Variants in HHAT observed in about 807,000 individuals in gnomAD.
HHAT encodes the protein protein-cysteine N-palmitoyltransferase HHAT.
Under a neutral mutation model 70.8 loss-of-function variants are expected in HHAT, and 47 were observed. The observed-to-expected ratio is 0.66, with a 90% CI of 0.53 to 0.85. The LOEUF (loss-of-function observed/expected upper bound fraction) is 0.85, where lower values mean the gene tolerates loss of function less well. Among genes scored for constraint, HHAT ranks in the 40% least tolerant of loss-of-function variants. HHAT has a pLI of 0.00. For missense variants in HHAT, 609 were observed against 604.8 expected, an observed-to-expected ratio of 1.01 and a Z score of -0.07; for synonymous variants, 228 against 247.6, an observed-to-expected ratio of 0.92 and a Z score of 0.74.
chr1:210,499,427 AG>A (rs1266846249), intron 8 of HHAT, among the ~76,000 whole-genome samples: 1 of 152,236 alleles, frequency 6.6e-6, no homozygotes, highest in Non-Finnish European at 1.5e-5. Flanking sequence ...ACTTGAGGCC[AG>A]GAATTCAAGA....
intron 8 of HHAT, among the ~76,000 whole-genome samples, chr1:210,503,320 T>C (rs1242959126): frequency 6.6e-6 from 1 of 152,162 alleles, no homozygotes; most frequent in Non-Finnish European, 1.5e-5. Flanking sequence ...GGGGTGAGGT[T>C]TAATTGTCCT....
At chr1:210,561,768 C>T (rs191932742) in intron 9 of HHAT, among the ~76,000 whole-genome samples, 2 of 152,286 alleles carry the variant, frequency 1.3e-5, no homozygotes, top group East Asian at 3.9e-4. Flanking sequence ...CCTCCACGTA[C>T]TTATCATTTT....
chr1:210,395,429 C>T (rs1050926163), intron 4 of HHAT, among the ~76,000 whole-genome samples: 3 of 90,256 alleles, frequency 3.3e-5, no homozygotes, highest in African/African-American at 1.7e-4. Context: ...TTCTTAAGGG[C>T]ACTGACACCA....
upstream of HHAT, among the ~76,000 whole-genome samples, chr1:210,328,589 A>G (rs891667975): frequency 6.6e-6 from 1 of 152,174 alleles, no homozygotes; most frequent in Non-Finnish European, 1.5e-5. Context: ...TTCGCCTACA[A>G]AACGTAGGTG....
chr1:210,661,268 C>T (rs978131485), intron 11 of HHAT, among the ~76,000 whole-genome samples: 4 of 152,218 alleles, frequency 2.6e-5, no homozygotes, highest in African/African-American at 9.7e-5. Flanking sequence ...GGAACAGACA[C>T]TTCTCAAACG....
At chr1:210,547,358 T>C (rs1346534540) in intron 9 of HHAT, among the ~76,000 whole-genome samples, 2 of 152,148 alleles carry the variant, frequency 1.3e-5, no homozygotes, top group Admixed American at 1.3e-4. Context: ...GACAAAAACT[T>C]TTTGATTCAT....
chr1:210,634,756 C>A (rs904717099), intron 11 of HHAT, among the ~76,000 whole-genome samples: 1 of 152,132 alleles, frequency 6.6e-6, no homozygotes, highest in Non-Finnish European at 1.5e-5. Context: ...ACTTTATGAC[C>A]GCGCTTTAAG....
intron 11 of HHAT, among the ~76,000 whole-genome samples, chr1:210,636,135 G>T (rs947833025): frequency 9.2e-5 from 14 of 152,120 alleles, no homozygotes; most frequent in Non-Finnish European, 1.9e-4. Context: ...TTGGATACTT[G>T]GTTATCTTTG....
At chr1:210,449,467 A>T (rs187105434) in intron 7 of HHAT, among the ~76,000 whole-genome samples, 6 of 152,138 alleles carry the variant, frequency 3.9e-5, no homozygotes, top group African/African-American at 9.6e-5. Context: ...TTTCCTCCCC[A>T]GCTGCGCTGG....
intron 9 of HHAT, among the ~76,000 whole-genome samples, chr1:210,544,746 T>C (rs2095468327): frequency 6.6e-6 from 1 of 152,112 alleles, no homozygotes. Context: ...CTCTTATAGG[T>C]GTCCTTCCGC....
intron 7 of HHAT, among the ~76,000 whole-genome samples, chr1:210,458,566 C>A (rs1282045205): frequency 6.6e-6 from 1 of 151,860 alleles, no homozygotes; most frequent in Non-Finnish European, 1.5e-5. Flanking sequence ...GTAACTCTAC[C>A]CTTAAGGGTA....
chr1:210,513,031 C>A, intron 8 of HHAT, 122 bp from the exon 9 acceptor site: 1 of 623,004 alleles, frequency 1.6e-6, no homozygotes, highest in Non-Finnish European at 2.8e-6. Flanking sequence ...ATCTTGAGAA[C>A]TACTGTGGTA....
chr1:210,544,075 C>T (rs2095458148), intron 9 of HHAT, among the ~76,000 whole-genome samples: 1 of 152,192 alleles, frequency 6.6e-6, no homozygotes, highest in South Asian at 2.1e-4. Flanking sequence ...CCCTCTCAAA[C>T]ACTAGACCCT....
intron 8 of HHAT, among the ~76,000 whole-genome samples, chr1:210,512,014 C>G (rs1220860589): frequency 2.6e-5 from 4 of 152,064 alleles, no homozygotes; most frequent in Admixed American, 2.0e-4. Context: ...TCAGGAGGAA[C>G]AAGCATGCTA....
intron 1 of HHAT, among the ~76,000 whole-genome samples, chr1:210,333,634 T>C (rs36113168): frequency 4.2e-4 from 64 of 152,162 alleles, no homozygotes; most frequent in African/African-American, 1.5e-3. Flanking sequence ...CTGGTGACAT[T>C]CGTCAGAGCT....
intron 8 of HHAT, among the ~76,000 whole-genome samples, chr1:210,508,918 A>T (rs983160270): frequency 6.6e-6 from 1 of 152,190 alleles, no homozygotes; most frequent in Non-Finnish European, 1.5e-5. Context: ...TCTTAAACTC[A>T]CAAACATTAG....
At chr1:210,366,545 G>A (rs1023663873) in intron 3 of HHAT, among the ~76,000 whole-genome samples, 2 of 152,174 alleles carry the variant, frequency 1.3e-5, no homozygotes, top group Admixed American at 6.5e-5. Context: ...GAACCCGGGA[G>A]GTGGAGGTTG....
intron 7 of HHAT, among the ~76,000 whole-genome samples, chr1:210,426,196 A>T (rs2093055782): frequency 6.6e-6 from 1 of 152,184 alleles, no homozygotes; most frequent in African/African-American, 2.4e-5. Flanking sequence ...TTGATTTTGT[A>T]TCCTGAGACT....
At chr1:210,338,503 A>G (rs73067726) in intron 1 of HHAT, among the ~76,000 whole-genome samples, 2,645 of 152,354 alleles carry the variant, frequency 0.017, 69 homozygotes, top group African/African-American at 0.052. Flanking sequence ...ATACTCAATA[A>G]TAGTAATAGC....
Sources: allele counts gnomAD v4.1 joint callset (sites outside exome capture counted in the v4.1 genomes callset), GRCh38; gene constraint gnomAD v4.1.1; transcripts MANE v1.5; gene names NCBI Gene and HGNC (gene_info 2026-07-23, HGNC 2026-07-21).